The following DNAH14 variants were observed in gnomAD, a reference collection of about 807,000 sequenced individuals.
DNAH14 encodes the protein axonemal beta dynein heavy chain 14.
DNAH14 carries 478 observed loss-of-function variants against 520.9 expected under a neutral mutation model. The observed-to-expected ratio is 0.92, with a 90% CI of 0.85 to 0.99. The LOEUF is 0.99. DNAH14 is among the 50% of genes least tolerant of loss of function. The probability of loss-of-function intolerance (pLI) is 0.00; values close to 1 mark genes in which losing one functional copy is unlikely to be tolerated. For missense variants in DNAH14, 4,831 were observed against 5,234.5 expected (o/e 0.92, Z 2.38); for synonymous variants, 1,581 against 1,757.2 (o/e 0.90, Z 2.51).
intron 27 of DNAH14, among the ~76,000 whole-genome samples, chr1:225,126,221 G>A (rs2148911882): frequency 6.6e-6 from 1 of 152,126 alleles, no homozygotes; most frequent in Non-Finnish European, 1.5e-5. Flanking sequence ...CATACTATTG[G>A]AAAAAATGAC....
At chr1:225,340,420 A>T (rs1239811078) in intron 68 of DNAH14, 37 bp from the exon 69 acceptor site, 3 of 1,492,150 alleles carry the variant, frequency 2.0e-6, no homozygotes, top group South Asian at 1.3e-5. Flanking sequence ...TTTCTTCTAC[A>T]TGTTCTTTGA....
chr1:225,036,029 C>T (rs1427901363), intron 11 of DNAH14, among the ~76,000 whole-genome samples: 2 of 152,032 alleles, frequency 1.3e-5, no homozygotes. Context: ...AAAGGCGGCT[C>T]GCCAGTCAAG....
At chr1:225,331,375 A>G in intron 64 of DNAH14, 62 bp from the exon 65 acceptor site, 5 of 1,487,182 alleles carry the variant, frequency 3.4e-6, no homozygotes, top group Non-Finnish European at 3.6e-6. Context: ...AATGACAGCT[A>G]AAGTCTTGAA....
At chr1:225,217,481 CTA>C (rs1222221177) in intron 41 of DNAH14, among the ~76,000 whole-genome samples, 1 of 152,060 alleles carries the variant, frequency 6.6e-6, no homozygotes, top group Non-Finnish European at 1.5e-5. Flanking sequence ...TTTTTTTCAG[CTA>C]TGCCCTGCCC....
At position 225,192,762 on chromosome 1, in the gene DNAH14, C is replaced by T; in HGVS notation, c.5737C>T (p.Leu1913=). ...TCCAAAGTGTGTCACTCTCAGTGAA[C>T]TATATGGACAACTGGATCCTAATAC... ...LNPKCVTLSE[L]YGQLDPNTME... Residue 1913 remains leucine (L), a synonymous_variant, in exon 38 of 86, where the codon CTA becomes TTA. Coordinates refer to ENST00000682510, the MANE Select transcript of DNAH14 (RefSeq NM_001367479.1). 6.5e-7 allele frequency: 1 copy of T among 1,550,092 alleles called. No homozygotes were observed. The highest frequency in any genetic ancestry group is 1.2e-5 in the South Asian group (1 of 83,992).
chr1:225,174,966 A>C (rs2083151898), intron 36 of DNAH14, among the ~76,000 whole-genome samples: 3 of 152,106 alleles, frequency 2.0e-5, no homozygotes, highest in Non-Finnish European at 4.4e-5. Flanking sequence ...TGTTAATGAG[A>C]TATATCGTGT....
At position 225,144,621 on chromosome 1, in the gene DNAH14, T is replaced by C. The variant is rs1366728997; in HGVS notation, c.4733T>C (p.Leu1578Pro). ...GGAAAAACTGAGACTGTCAAAGATC[T>C]AGCAAAAGTAAGTGGTTTCTGTATC... ...GTGKTETVKD[L>P]AKSLGKHCVV... The change falls in exon 29 of 86, where the codon CTA (leucine) becomes CCA (proline). Residue 1578 changes from leucine to proline, a missense_variant. Leu to Pro is a moderately conservative substitution (Grantham distance 98). Coordinates refer to ENST00000682510, the MANE Select transcript of DNAH14 (RefSeq NM_001367479.1). 6 of 1,549,090 alleles carry C rather than the reference T, an allele frequency of 3.9e-6. No individual in the cohort carries two copies. Among genetic ancestry groups the C allele is most frequent in the South Asian group, 3.6e-5 (3 of 83,932 alleles).
At chr1:225,156,746 G>T (rs1181464760) in intron 34 of DNAH14, among the ~76,000 whole-genome samples, 2 of 82,594 alleles carry the variant, frequency 2.4e-5, no homozygotes, top group East Asian at 1.4e-3. Flanking sequence ...ACGGAGTCTC[G>T]CTCTGTCGCC....
At chr1:225,394,687 A>G (rs1249831110) in intron 84 of DNAH14, among the ~76,000 whole-genome samples, 5 of 152,172 alleles carry the variant, frequency 3.3e-5, no homozygotes, top group African/African-American at 9.7e-5. Flanking sequence ...TACTAAAAAT[A>G]CAAAAAATTA....
At chr1:225,044,086 A>C in intron 15 of DNAH14, 103 bp downstream of exon 15, 1 of 646,414 alleles carries the variant, frequency 1.5e-6, no homozygotes, top group Middle Eastern at 3.4e-4. Context: ...CAGATGTTAC[A>C]GAATATTAGT....
intron 35 of DNAH14, among the ~76,000 whole-genome samples, chr1:225,160,539 G>T (rs1386263263): frequency 6.6e-6 from 1 of 151,998 alleles, no homozygotes; most frequent in Non-Finnish European, 1.5e-5. Context: ...GTTATGAGAG[G>T]ATGGCTCTTT....
chr1:225,015,597 T>C (rs2147950041), intron 10 of DNAH14, among the ~76,000 whole-genome samples: 1 of 152,208 alleles, frequency 6.6e-6, no homozygotes, highest in East Asian at 1.9e-4. Context: ...GGGAAATGTG[T>C]GAGAGAAAAA....
At chr1:225,044,058 CT>C in intron 15 of DNAH14, 75 bp downstream of exon 15, 1 of 831,496 alleles carries the variant, frequency 1.2e-6, no homozygotes, top group Non-Finnish European at 1.9e-6. Context: ...CATCTGATGC[CT>C]TTACCCAGGG....
chr1:225,197,800 T>C (rs545207679), intron 38 of DNAH14, among the ~76,000 whole-genome samples: 1 of 152,316 alleles, frequency 6.6e-6, no homozygotes, highest in African/African-American at 2.4e-5. Flanking sequence ...TTGCAGCTAG[T>C]GTAAAAGGTG....
At chr1:224,965,858 C>CTGTACA (rs1378145596) in intron 5 of DNAH14, among the ~76,000 whole-genome samples, 1 of 152,124 alleles carries the variant, frequency 6.6e-6, no homozygotes, top group Non-Finnish European at 1.5e-5. Flanking sequence ...AAAACCATAG[C>CTGTACA]TGTACATGGG....
intron 17 of DNAH14, among the ~76,000 whole-genome samples, chr1:225,077,579 G>A (rs1429168612): frequency 6.6e-6 from 1 of 152,112 alleles, no homozygotes; most frequent in Non-Finnish European, 1.5e-5. Context: ...CATTCTTGGT[G>A]CACTTTCCAT....
At chr1:224,970,601 T>G (rs1236071785) in intron 7 of DNAH14, among the ~76,000 whole-genome samples, 1 of 152,098 alleles carries the variant, frequency 6.6e-6, no homozygotes, top group African/African-American at 2.4e-5. Context: ...TTAAAATTTC[T>G]CTCTTTTGTA....
intron 41 of DNAH14, among the ~76,000 whole-genome samples, chr1:225,227,709 A>G (rs1323573664): frequency 6.6e-6 from 1 of 152,150 alleles, no homozygotes; most frequent in Non-Finnish European, 1.5e-5. Flanking sequence ...CCAGACCCCA[A>G]GTAAAGTCCA....
intron 42 of DNAH14, among the ~76,000 whole-genome samples, chr1:225,234,709 C>G (rs533720800): frequency 6.6e-6 from 1 of 152,286 alleles, no homozygotes; most frequent in East Asian, 1.9e-4. Flanking sequence ...TTTGTGTCCT[C>G]TCTGATTTCC....
Sources: gnomAD v4.1 joint callset for allele counts (sites outside exome capture counted in the v4.1 genomes callset) on GRCh38, gnomAD v4.1.1 for gene constraint, MANE v1.5 for transcripts, NCBI Gene and HGNC (gene_info 2026-07-23, HGNC 2026-07-21) for gene names.